The following ACYP2 variants were observed in gnomAD, a reference collection of about 807,000 sequenced individuals.
ACYP2 encodes acylphosphatase-2.
ACYP2 carries 12 observed loss-of-function variants against 11.2 expected under a neutral mutation model. That is an observed-to-expected ratio of 1.08 (90% CI 0.69 to 1.74). ACYP2 has a LOEUF of 1.74. Among genes scored for constraint, ACYP2 ranks in the 40% most tolerant of loss-of-function variants. The pLI is 0.00. For synonymous variants in ACYP2, 43 were observed against 32.2 expected (o/e 1.33, Z -1.13); for missense variants, 134 against 101.9 (o/e 1.31, Z -1.35).
intron 6 of ACYP2, 102 bp downstream of exon 3, chr2:54,138,850 T>C: frequency 1.1e-6 from 1 of 895,912 alleles, no homozygotes; most frequent in South Asian, 1.6e-5. Context: ...TGGAGTGCAG[T>C]GGCACAATCT....
Position 54,026,391 on chromosome 2 carries a change from TA to T in ACYP2, c.63-24561del, listed in dbSNP as rs764624700. ...TGATACCAGCAACAATAACCATAATTAAAAAATAAAAAAAAAATAGATGTTG... is the reference window on the plus strand; with the variant it reads ...TGATACCAGCAACAATAACCATAATTAAAAATAAAAAAAAAATAGATGTTG... On this transcript the variant is annotated intron_variant, in intron 2 of 6. Coordinates refer to ENST00000607452, the MANE Select transcript of ACYP2 (RefSeq NM_001320586.2). Among the ~76,000 whole-genome samples, 34 of 151,224 alleles carry T rather than the reference TA, an allele frequency of 2.2e-4. 1 individual carries two copies. The highest frequency in any genetic ancestry group is 1.6e-3 in the East Asian group (8 of 5,138).
At chr2:54,256,082 G>C (rs1408244648) in intron 6 of ACYP2, 1 of 1,614,134 alleles carries the variant, frequency 6.2e-7, no homozygotes, top group Non-Finnish European at 8.5e-7. Context: ...CGGGACCTCT[G>C]GCCCTGGTGC....
intron 4 of ACYP2, among the ~76,000 whole-genome samples, chr2:54,131,543 G>A (rs1231880751): frequency 6.6e-6 from 1 of 152,150 alleles, no homozygotes; most frequent in African/African-American, 2.4e-5. Flanking sequence ...TCCCTTTAGG[G>A]TGCAGGAGGG....
chr2:54,106,299 A>G (rs950220241), intron 4 of ACYP2, among the ~76,000 whole-genome samples: 1 of 152,132 alleles, frequency 6.6e-6, no homozygotes, highest in African/African-American at 2.4e-5. Context: ...GCTGGCCTCA[A>G]GTGATCCTCC....
chr2:54,276,176 A>C (rs1207632676), intron 6 of ACYP2, among the ~76,000 whole-genome samples: 1 of 141,096 alleles, frequency 7.1e-6, no homozygotes, highest in Non-Finnish European at 1.6e-5. Context: ...ATACAACTTC[A>C]TCCATGTCTT....
chr2:54,004,572 G>C (rs1006219112), intron 2 of ACYP2, among the ~76,000 whole-genome samples: 14 of 151,682 alleles, frequency 9.2e-5, no homozygotes, highest in African/African-American at 3.4e-4. Flanking sequence ...AACCATGCCT[G>C]GCTAATTTTT....
intron 2 of ACYP2, among the ~76,000 whole-genome samples, chr2:53,986,914 C>T (rs780538373): frequency 1.3e-5 from 2 of 152,096 alleles, no homozygotes; most frequent in Non-Finnish European, 2.9e-5. Context: ...TGTGAGCCAC[C>T]GCACCCGACC....
At chr2:54,123,338 T>G (rs1680268348) in intron 4 of ACYP2, 1 of 398,432 alleles carries the variant, frequency 2.5e-6, no homozygotes, top group Non-Finnish European at 4.4e-6. Flanking sequence ...TGGTATGGAG[T>G]GATAGGAAAA....
chr2:54,301,638 T>G (rs1456213279), intron 6 of ACYP2, among the ~76,000 whole-genome samples: 1 of 152,190 alleles, frequency 6.6e-6, no homozygotes, highest in Non-Finnish European at 1.5e-5. Context: ...TGAGTGATTT[T>G]ATATATATGT....
chr2:54,072,456 T>G (rs553078896), intron 4 of ACYP2, among the ~76,000 whole-genome samples: 2 of 146,270 alleles, frequency 1.4e-5, no homozygotes, highest in East Asian at 4.2e-4. Context: ...TTGAAATTCT[T>G]TCTTTCTTTC....
intron 2 of ACYP2, among the ~76,000 whole-genome samples, chr2:53,985,592 A>G (rs1020596768): frequency 1.6e-4 from 25 of 152,326 alleles, no homozygotes; most frequent in African/African-American, 6.0e-4. Flanking sequence ...CTATCAACAT[A>G]TCAACAGTAT....
At chr2:54,296,664 T>C (rs1341747822) in intron 6 of ACYP2, among the ~76,000 whole-genome samples, 1 of 152,076 alleles carries the variant, frequency 6.6e-6, no homozygotes, top group Non-Finnish European at 1.5e-5. Flanking sequence ...TTTATAACTG[T>C]TAAAGGCAAC....
chr2:54,023,936 C>T (rs1674140211), intron 2 of ACYP2, among the ~76,000 whole-genome samples: 1 of 152,122 alleles, frequency 6.6e-6, no homozygotes, highest in Admixed American at 6.6e-5. Context: ...CTTCCTAAAT[C>T]ATTCTAGGAA....
At chr2:54,233,163 T>A (rs2103970127) in intron 6 of ACYP2, among the ~76,000 whole-genome samples, 1 of 152,300 alleles carries the variant, frequency 6.6e-6, no homozygotes, top group African/African-American at 2.4e-5. Context: ...CACTCATTTT[T>A]AAAAACAACT....
chr2:54,179,771 C>T (rs772139977), intron 6 of ACYP2, among the ~76,000 whole-genome samples: 1 of 152,168 alleles, frequency 6.6e-6, no homozygotes, highest in African/African-American at 2.4e-5. Context: ...TCTTTATGAC[C>T]TGTATCTTGT....
At chr2:54,026,169 A>G (rs1674275955) in intron 2 of ACYP2, among the ~76,000 whole-genome samples, 1 of 152,148 alleles carries the variant, frequency 6.6e-6, no homozygotes, top group East Asian at 1.9e-4. Context: ...GATCTTTGCA[A>G]ACTATGCATC....
intron 3 of ACYP2, chr2:54,051,780 C>T: frequency 2.1e-6 from 1 of 474,176 alleles, no homozygotes; most frequent in Admixed American, 3.0e-5. Context: ...CTCAGTGGCT[C>T]ACACCTGTAA....
intron 6 of ACYP2, among the ~76,000 whole-genome samples, chr2:54,190,056 T>C (rs997364208): frequency 2.0e-5 from 3 of 152,224 alleles, no homozygotes; most frequent in African/African-American, 2.4e-5. Context: ...AATCAAGTTA[T>C]ATGTTTTCTT....
chr2:54,238,752 TCAAGA>T (rs1412543022), intron 6 of ACYP2, among the ~76,000 whole-genome samples: 1 of 152,038 alleles, frequency 6.6e-6, no homozygotes, highest in East Asian at 1.9e-4. Flanking sequence ...ATATGTATAT[TCAAGA>T]CTTTTTCAAT....
Sources: allele counts gnomAD v4.1 joint callset (sites outside exome capture counted in the v4.1 genomes callset), GRCh38; gene constraint gnomAD v4.1.1; transcripts MANE v1.5; gene names NCBI Gene and HGNC (gene_info 2026-07-23, HGNC 2026-07-21).